Variants in PHF20 observed in about 807,000 individuals in gnomAD.
The protein encoded by PHF20 is PHD finger protein 20.
In PHF20, 23 loss-of-function variants were observed where a neutral mutation model predicts 113.5. That is an observed-to-expected ratio of 0.20 (90% CI 0.15 to 0.29). The LOEUF is 0.29. PHF20 is among the 10% of genes least tolerant of loss of function. The pLI, the probability that PHF20 is intolerant of heterozygous loss-of-function variation, is 1.00. For missense variants in PHF20, 943 were observed against 1,219.6 expected, an observed-to-expected ratio of 0.77 and a Z score of 3.38; for synonymous variants, 434 against 457.3, an observed-to-expected ratio of 0.95 and a Z score of 0.65.
At chr20:35,883,816 A>T (rs761317510) in intron 9 of PHF20, among the ~76,000 whole-genome samples, 1 of 152,138 alleles carries the variant, frequency 6.6e-6, no homozygotes, top group Non-Finnish European at 1.5e-5. Flanking sequence ...ATATAAATCA[A>T]GTGAAATGAA....
chr20:35,890,770 C>T (rs1393021038), intron 9 of PHF20, among the ~76,000 whole-genome samples: 1 of 152,174 alleles, frequency 6.6e-6, no homozygotes, highest in Non-Finnish European at 1.5e-5. Flanking sequence ...CTAATCCTAG[C>T]TACTCGGGAG....
chr20:35,895,009 T>C lies in PHF20; in HGVS notation c.1283-4361T>C, dbSNP rs11905676. 5.3e-3 allele frequency among the ~76,000 whole-genome samples: 805 copies of C among 152,054 alleles called. 8 individuals are homozygous for C. Among genetic ancestry groups the C allele is most frequent in the African/African-American group, 0.019 (772 of 41,506 alleles). The stretch of plus-strand genomic sequence containing the variant: ...AAGCTGGATCTACAGGCGCGCACCA[T>C]GCCCAGCTAATTTTTCTTCTTCTTT... On this transcript the variant is annotated intron_variant, in intron 9 of 17. Coordinates refer to ENST00000374012, the MANE Select transcript of PHF20 (RefSeq NM_016436.5).
intron 1 of PHF20, among the ~76,000 whole-genome samples, chr20:35,789,548 T>C (rs1014009313): frequency 2.6e-5 from 4 of 152,074 alleles, no homozygotes; most frequent in Admixed American, 6.6e-5. Flanking sequence ...CTTTTTTCTT[T>C]TTCTTTTTCT....
At chr20:35,808,171 T>G (rs2041916807) in intron 2 of PHF20, among the ~76,000 whole-genome samples, 1 of 152,214 alleles carries the variant, frequency 6.6e-6, no homozygotes, top group African/African-American at 2.4e-5. Flanking sequence ...TAGACCATCA[T>G]GTATCTGCAA....
At chr20:35,805,533 A>C (rs965563471) in intron 2 of PHF20, among the ~76,000 whole-genome samples, 5 of 151,694 alleles carry the variant, frequency 3.3e-5, no homozygotes, top group African/African-American at 1.2e-4. Context: ...ATTTTAGTAG[A>C]GACGGGGTTT....
chr20:35,858,576 A>G (rs1020683837), intron 5 of PHF20, among the ~76,000 whole-genome samples, 195 bp downstream of exon 5: 8 of 152,044 alleles, frequency 5.3e-5, no homozygotes, highest in Non-Finnish European at 7.4e-5. Context: ...CTATTTATTT[A>G]TTTGTTTATT....
chr20:35,811,591 C>T (rs1037689751), intron 2 of PHF20, among the ~76,000 whole-genome samples: 3 of 151,830 alleles, frequency 2.0e-5, no homozygotes, highest in African/African-American at 4.8e-5. Context: ...TACATGCATG[C>T]GCCACCACGC....
At position 35,938,978 on chromosome 20, in the gene PHF20, G is replaced by A. The variant is rs756881455; in HGVS notation, c.2582G>A (p.Gly861Asp). 6.2e-7 allele frequency: 1 copy of A among 1,614,116 alleles called. No homozygotes were observed. Among genetic ancestry groups the A allele is most frequent in the Admixed American group, 1.7e-5 (1 of 60,028 alleles). ...CAGAAGCTGGTGGTGGAGACGAGGG[G>A]CTCTGCCCTCGACGATGCGGTCAAC... ...VEQKLVVETR[G>D]SALDDAVNPL... The change falls in exon 16 of 18, where the codon GGC (glycine) becomes GAC (aspartate). Residue 861 changes from glycine to aspartate, a missense_variant. Coordinates refer to ENST00000374012, the MANE Select transcript of PHF20 (RefSeq NM_016436.5).
At chr20:35,835,667 C>T (rs1177971078) in intron 2 of PHF20, among the ~76,000 whole-genome samples, 2 of 152,190 alleles carry the variant, frequency 1.3e-5, no homozygotes, top group East Asian at 1.9e-4. Flanking sequence ...CAGTGGCTCA[C>T]GCCTATAATC....
intron 2 of PHF20, among the ~76,000 whole-genome samples, chr20:35,822,002 C>T (rs980441094): frequency 6.6e-6 from 1 of 152,074 alleles, no homozygotes; most frequent in Non-Finnish European, 1.5e-5. Context: ...TGGTTTTGGG[C>T]ATGTTAAATA....
In PHF20 at chr20:35,806,162, A is replaced by ATT. The variant is rs1299032685; in HGVS notation, c.83+4575_83+4576dup. On this transcript the variant is annotated intron_variant, in intron 2 of 17. Coordinates refer to ENST00000374012, the MANE Select transcript of PHF20 (RefSeq NM_016436.5). ...ACAAGCGTGAGCCACCATGCCTGGC[A>ATT]TTTTTTTTTTTTTTTTTTTGATATG... Among the ~76,000 whole-genome samples the ATT allele has an allele frequency of 1.4e-3, 179 of 123,696 alleles. 2 individuals are homozygous for ATT. Among genetic ancestry groups the ATT allele is most frequent in the African/African-American group, 4.8e-3 (149 of 30,752 alleles). 81.1% of individuals were successfully genotyped at this position (123,696 alleles called of 152,430 possible).
Position 35,941,025 on chromosome 20 carries a change from C to A in PHF20, c.2874C>A (p.Asp958Glu). 6.2e-7 allele frequency: 1 copy of A among 1,613,808 alleles called. No homozygotes were observed. The highest frequency in any genetic ancestry group is 8.5e-7 in the Non-Finnish European group (1 of 1,179,834). ...AGGATGAAGTTACGCACAGGATGGA[C>A]TCCATTGAGAAGGAGTTGGATGGTA... is the stretch of plus-strand genomic sequence containing the variant. Reference protein sequence around the residue: ...SLQDEVTHRMDSIEKELDVLE... With the variant: ...SLQDEVTHRMESIEKELDVLE... Residue 958 changes from aspartate to glutamate, a missense_variant, in exon 17 of 18, where the codon GAC (aspartate) becomes GAA (glutamate). This residue lies in a region of PHF20 where 349 missense variants were observed against 412.3 expected (regional missense o/e 0.85). Coordinates refer to ENST00000374012, the MANE Select transcript of PHF20 (RefSeq NM_016436.5).
intron 1 of PHF20, among the ~76,000 whole-genome samples, chr20:35,784,945 G>A (rs78579382): frequency 0.048 from 7,256 of 152,030 alleles, 214 homozygotes; most frequent in African/African-American, 0.088. Flanking sequence ...CAGCACTGGG[G>A]GAGCTGAGGT....
rs773060725 is a variant in PHF20, at chr20:35,881,048, C to CTTTTTTTTTTTTTTTTTTTTTTT, written c.1282+9241_1282+9242insTTTTTTTTTTTTTTTTTTTTTTT. ...GTTCCAGACCTTTATCTCTAAATACCTTTTTTTTTTTTTTTTTTTTTTCTG... is the reference window on the plus strand; with the variant it reads ...GTTCCAGACCTTTATCTCTAAATACCTTTTTTTTTTTTTTTTTTTTTTTTTTTTTTTTTTTTTTTTTTTTTCTG... On this transcript the variant is annotated intron_variant, in intron 9 of 17. Transcript: ENST00000374012. Among the ~76,000 whole-genome samples the CTTTTTTTTTTTTTTTTTTTTTTT allele has an allele frequency of 2.7e-5, 3 of 109,756 alleles. 1 individual carries two copies. The highest frequency in any genetic ancestry group is 1.2e-4 in the African/African-American group (3 of 25,320). The allele number at this position is 109,756 out of a possible 152,430, so 72.0% of individuals were successfully genotyped here.
intron 10 of PHF20, among the ~76,000 whole-genome samples, chr20:35,903,371 C>G (rs1182745358): frequency 6.6e-6 from 1 of 151,828 alleles, no homozygotes; most frequent in Non-Finnish European, 1.5e-5. Context: ...TTTTTTAAGT[C>G]CTTATGTTTT....
intron 2 of PHF20, among the ~76,000 whole-genome samples, chr20:35,809,129 C>T (rs1159161539): frequency 6.6e-6 from 1 of 151,720 alleles, no homozygotes; most frequent in East Asian, 2.0e-4. Flanking sequence ...CCTATAATCC[C>T]AGCTACCCCT....
intron 9 of PHF20, among the ~76,000 whole-genome samples, chr20:35,883,392 A>G (rs2147019027): frequency 6.6e-6 from 1 of 152,306 alleles, no homozygotes; most frequent in Admixed American, 6.5e-5. Context: ...TGAGTTAGCT[A>G]GAGTGGCACA....
At chr20:35,840,259 C>A (rs535546891) in intron 2 of PHF20, among the ~76,000 whole-genome samples, 2 of 151,880 alleles carry the variant, frequency 1.3e-5, no homozygotes, top group Non-Finnish European at 2.9e-5. Flanking sequence ...TATTTTTAAC[C>A]GTTTATTTTT....
chr20:35,877,162 C>T (rs926413157), intron 9 of PHF20, among the ~76,000 whole-genome samples: 7 of 141,104 alleles, frequency 5.0e-5, no homozygotes, highest in East Asian at 2.1e-4. Flanking sequence ...TGGTGGTGGG[C>T]GCCTGTAATC....
Sources: allele counts gnomAD v4.1 joint callset (sites outside exome capture counted in the v4.1 genomes callset), GRCh38; gene constraint gnomAD v4.1.1; regional missense constraint gnomAD v4.1.1; transcripts MANE v1.5; gene names NCBI Gene and HGNC (gene_info 2026-07-23, HGNC 2026-07-21).